The following SPTBN1 variants were observed in gnomAD, a reference collection of about 807,000 sequenced individuals.
SPTBN1 encodes spectrin beta chain, non-erythrocytic 1.
In SPTBN1, 32 loss-of-function variants were observed where a neutral mutation model predicts 266.4. The ratio of observed to expected loss-of-function variants is 0.12; its 90% CI spans 0.09 to 0.16. SPTBN1 has a LOEUF of 0.16. SPTBN1 is among the 10% of genes least tolerant of loss of function. SPTBN1 has a pLI of 1.00. For missense variants in SPTBN1, 2,296 were observed against 3,067.1 expected (o/e 0.75, Z 5.94); for synonymous variants, 1,336 against 1,162.2 (o/e 1.15, Z -3.04).
chr2:54,541,741 A>C (rs1172660021), intron 2 of SPTBN1, among the ~76,000 whole-genome samples: 6 of 152,238 alleles, frequency 3.9e-5, no homozygotes, highest in Non-Finnish European at 7.3e-5. Flanking sequence ...TTTTGAAAGA[A>C]ATAATTTTCA....
chr2:54,481,829 G>T (rs1018207457), intron 1 of SPTBN1, among the ~76,000 whole-genome samples: 4 of 152,182 alleles, frequency 2.6e-5, no homozygotes, highest in African/African-American at 9.7e-5. Context: ...GTGTTTTATT[G>T]TTAACTGGTA....
At chr2:54,661,541 A>G (rs1350604865) in intron 32 of SPTBN1, 1 of 985,720 alleles carries the variant, frequency 1.0e-6, no homozygotes, top group Non-Finnish European at 1.2e-6. Context: ...GGGTATATAG[A>G]TAGATGCCAA....
intron 1 of SPTBN1, among the ~76,000 whole-genome samples, chr2:54,477,732 T>G (rs1667907760): frequency 6.6e-6 from 1 of 152,064 alleles, no homozygotes; most frequent in Admixed American, 6.5e-5. Context: ...GCTAATATGG[T>G]GAAACCCCGT....
intron 1 of SPTBN1, among the ~76,000 whole-genome samples, chr2:54,520,046 G>A (rs917565084): frequency 6.6e-6 from 1 of 152,186 alleles, no homozygotes; most frequent in African/African-American, 2.4e-5. Flanking sequence ...CTTGCAGGGA[G>A]CAGCTGTCAG....
chr2:54,457,269 G>T (rs567755090), intron 1 of SPTBN1: 1 of 151,376 alleles, frequency 6.6e-6, no homozygotes, highest in African/African-American at 2.4e-5. Flanking sequence ...CTCTTCAACA[G>T]GTTTGTCTCA....
chr2:54,541,940 A>G (rs1487587104), intron 2 of SPTBN1, among the ~76,000 whole-genome samples: 1 of 152,128 alleles, frequency 6.6e-6, no homozygotes, highest in Non-Finnish European at 1.5e-5. Flanking sequence ...ATTCTATTCC[A>G]TTTTTTAAAA....
intron 2 of SPTBN1, among the ~76,000 whole-genome samples, chr2:54,532,224 G>A (rs1174642828): frequency 2.0e-5 from 3 of 152,106 alleles, no homozygotes. Context: ...GGGAGGCGGA[G>A]GTTGCAGTGA....
At position 54,645,966 on chromosome 2, in the gene SPTBN1, G is replaced by A. The variant is rs759089435; in HGVS notation, c.4533G>A (p.Thr1511=). 106 of 1,614,154 alleles carry A rather than the reference G, an allele frequency of 6.6e-5. No individual in the cohort carries two copies. The highest frequency in any genetic ancestry group is 4.5e-4 in the East Asian group (20 of 44,878). ...VGERMPLATS[T]DHGHNLQTVQ... ...AGAGGATGCCTTTGGCAACTTCCAC[G>A]GATCATGGCCACAACCTCCAGACTG... The change falls in exon 22 of 36, where the codon ACG becomes ACA. Residue 1511 remains threonine, a synonymous_variant. Coordinates refer to ENST00000356805, the MANE Select transcript of SPTBN1 (RefSeq NM_003128.3). The surrounding 1 kb of genome is among the most constrained non-coding windows in gnomAD (Gnocchi z 4.3).
At position 54,668,873 on chromosome 2, in the gene SPTBN1, GC is replaced by G. The variant is rs1681562014; in HGVS notation, c.*306del. ...TGTGAGGCTGTGTTGGAAATAACCCGCCTCTAGTGCTGTTGGTATGCAAGGC... is the reference window on the plus strand; with the variant it reads ...TGTGAGGCTGTGTTGGAAATAACCCGCTCTAGTGCTGTTGGTATGCAAGGC... On this transcript the variant is annotated 3_prime_UTR_variant, in exon 36 of 36. Transcript: ENST00000356805. The G allele has an allele frequency of 3.1e-6, 1 of 318,612 alleles. No homozygotes were observed. The highest frequency in any genetic ancestry group is 4.7e-5 in the Admixed American group (1 of 21,060). The allele number at this position is 318,612 out of a possible 1,614,324, so 19.7% of individuals were successfully genotyped here.
At chr2:54,643,647 C>T (rs1378518040) in intron 19 of SPTBN1, among the ~76,000 whole-genome samples, 1 of 152,088 alleles carries the variant, frequency 6.6e-6, no homozygotes, top group Non-Finnish European at 1.5e-5. Context: ...CCCGACTTCT[C>T]TCCTTTTAGA....
intron 34 of SPTBN1, 124 bp downstream of exon 34, chr2:54,666,212 A>G (rs1681355666): frequency 3.7e-6 from 4 of 1,073,102 alleles, no homozygotes; most frequent in East Asian, 2.6e-5. Flanking sequence ...TAAATCCCCA[A>G]TAAAGTGAAA....
intron 2 of SPTBN1, among the ~76,000 whole-genome samples, chr2:54,579,593 G>A (rs1409586453): frequency 4.6e-5 from 7 of 152,168 alleles, no homozygotes. Flanking sequence ...GCATATTAAG[G>A]GAGCCCAGCA....
At chr2:54,654,725 T>TACAAGTC (rs1680535346) in intron 27 of SPTBN1, among the ~76,000 whole-genome samples, 2 of 152,242 alleles carry the variant, frequency 1.3e-5, no homozygotes, top group South Asian at 4.1e-4. Flanking sequence ...CTCTACTTTC[T>TACAAGTC]AGAAGAGAGT....
chr2:54,481,028 C>T (rs191043202), intron 1 of SPTBN1, among the ~76,000 whole-genome samples: 57 of 152,210 alleles, frequency 3.7e-4, no homozygotes, highest in Admixed American at 2.7e-3. Context: ...TGACATTCAT[C>T]CTGGTGCCAT....
At position 54,649,197 on chromosome 2, in the gene SPTBN1, A is replaced by G. The variant is rs1051527174; in HGVS notation, c.5202+7A>G. 1.9e-6 allele frequency: 3 copies of G among 1,590,804 alleles called. No individual in the cohort carries two copies. Among genetic ancestry groups the G allele is most frequent in the Admixed American group, 3.4e-5 (2 of 59,480 alleles). On this transcript the variant is annotated splice_region_variant and intron_variant, in intron 25 of 35. Transcript: ENST00000356805. This position sits in a 1 kb window ranked among gnomAD's most constrained non-coding sequence, Gnocchi z 6.7. The stretch of plus-strand genomic sequence containing the variant: ...GGACTATGAGCATGTCACGGCAAGT[A>G]CTTGAGGCAGTGCATGAGTTGGTTG...
intron 3 of SPTBN1, among the ~76,000 whole-genome samples, chr2:54,604,594 C>T (rs1231497339): frequency 6.6e-6 from 1 of 152,128 alleles, no homozygotes; most frequent in Non-Finnish European, 1.5e-5. Flanking sequence ...GCTTCTTAGG[C>T]AGGGCCTGGA....
chr2:54,484,820 T>C (rs1360066336), intron 1 of SPTBN1, among the ~76,000 whole-genome samples: 2 of 152,194 alleles, frequency 1.3e-5, no homozygotes, highest in African/African-American at 4.8e-5. Context: ...ATTCCAGGCC[T>C]CAAGCACCAG....
At chr2:54,561,247 C>T (rs563981231) in intron 2 of SPTBN1, among the ~76,000 whole-genome samples, 63 of 152,318 alleles carry the variant, frequency 4.1e-4, no homozygotes, top group African/African-American at 1.3e-3. Context: ...CTGGCTCAAG[C>T]CATCCTCCCA....
At position 54,646,165 on chromosome 2, in the gene SPTBN1, C is replaced by G. The variant is rs745442155; in HGVS notation, c.4585-29C>G. 104 of 1,595,046 alleles carry G rather than the reference C, an allele frequency of 6.5e-5. No homozygotes were observed. In the South Asian group the frequency reaches 1.0e-3, roughly 16 times the overall value. On this transcript the variant is annotated intron_variant, in intron 22 of 35. Transcript: ENST00000356805. This position sits in a 1 kb window ranked among gnomAD's most constrained non-coding sequence, Gnocchi z 4.4. ...CAGCAGACGGCTGCCATTTAGCAAG[C>G]CTTTGTGTGTATTTTCCGCTCCCTC... is the stretch of plus-strand genomic sequence containing the variant.
Sources: allele counts gnomAD v4.1 joint callset (sites outside exome capture counted in the v4.1 genomes callset), GRCh38; gene constraint gnomAD v4.1.1; non-coding constraint Gnocchi (gnomAD v3.1); transcripts MANE v1.5; gene names NCBI Gene and HGNC (gene_info 2026-07-23, HGNC 2026-07-21).